MGMT: variants seen among roughly 807,000 people sequenced by gnomAD.
MGMT encodes methylated-DNA--protein-cysteine methyltransferase.
MGMT carries 14 observed loss-of-function variants against 15.9 expected under a neutral mutation model. The observed-to-expected ratio is 0.88, with a 90% CI of 0.58 to 1.37. MGMT has a LOEUF of 1.37. Among genes scored for constraint, MGMT ranks in the 40% most tolerant of loss-of-function variants. The probability of loss-of-function intolerance (pLI) is 0.00; values close to 1 mark genes in which losing one functional copy is unlikely to be tolerated. For synonymous variants in MGMT, 130 were observed against 118.2 expected, an observed-to-expected ratio of 1.10 and a Z score of -0.65; for missense variants, 282 against 268.1, an observed-to-expected ratio of 1.05 and a Z score of -0.36.
intron 4 of MGMT, among the ~76,000 whole-genome samples, chr10:129,762,730 T>C (rs778866562): frequency 6.6e-6 from 1 of 152,182 alleles, no homozygotes; most frequent in Non-Finnish European, 1.5e-5. Context: ...GTTAGTTTAT[T>C]CACGGATTGC....
intron 1 of MGMT, among the ~76,000 whole-genome samples, chr10:129,521,548 CTG>C (rs1191362511): frequency 6.6e-6 from 1 of 152,220 alleles, no homozygotes; most frequent in Non-Finnish European, 1.5e-5. Flanking sequence ...TAGATTCAAA[CTG>C]TATCCAAGAG....
chr10:129,490,884 A>G (rs1385019770), intron 1 of MGMT, among the ~76,000 whole-genome samples: 3 of 152,206 alleles, frequency 2.0e-5, no homozygotes, highest in Non-Finnish European at 1.5e-5. Context: ...AGATTATAAT[A>G]TACACCCTGG....
intron 2 of MGMT, among the ~76,000 whole-genome samples, chr10:129,683,197 G>A (rs527841231): frequency 7.9e-4 from 121 of 152,330 alleles, no homozygotes; most frequent in Admixed American, 1.6e-3. Context: ...AGGGAATGGC[G>A]TTGGCTTTGC....
chr10:129,560,745 T>A lies in MGMT; in HGVS notation c.125+24368T>A, dbSNP rs1160855836. ...CATTCATCAGCTGAACGTCTTTTAT[T>A]GTGGCCTGTAGACAGATTATTTTCA... On this transcript the variant is annotated intron_variant, in intron 2 of 4. Transcript: ENST00000651593. Among the ~76,000 whole-genome samples the A allele has an allele frequency of 3.9e-5, 6 of 152,208 alleles. No individual in the cohort carries two copies. The East Asian group carries it at 1.2e-3, about 29-fold the overall frequency.
chr10:129,627,013 C>G (rs1016018130), intron 2 of MGMT, among the ~76,000 whole-genome samples: 1 of 152,164 alleles, frequency 6.6e-6, no homozygotes, highest in African/African-American at 2.4e-5. Context: ...GAGGCAGCTG[C>G]CACCCGCCGT....
At position 129,759,349 on chromosome 10, in the gene MGMT, C is replaced by T; in HGVS notation, c.414+8C>T. 6.2e-7 allele frequency: 1 copy of T among 1,614,122 alleles called. No individual in the cohort carries two copies. Among genetic ancestry groups the T allele is most frequent in the Non-Finnish European group, 8.5e-7 (1 of 1,179,994 alleles). ...GCAATGAGAGGCAATCCTGTGAGTT[C>T]TCATGGCGCAAGCATGGCTGTGGGT... On this transcript the variant is annotated splice_region_variant and intron_variant, in intron 4 of 4. Transcript: ENST00000651593.
chr10:129,534,336 C>T (rs1845963242), intron 1 of MGMT, among the ~76,000 whole-genome samples: 1 of 152,010 alleles, frequency 6.6e-6, no homozygotes, highest in Admixed American at 6.5e-5. Context: ...GTGATGTGGG[C>T]AGAGCCTCTG....
At chr10:129,625,094 A>G (rs990043813) in intron 2 of MGMT, among the ~76,000 whole-genome samples, 1 of 152,240 alleles carries the variant, frequency 6.6e-6, no homozygotes, top group Admixed American at 6.5e-5. Context: ...GAATCTACAA[A>G]TATTCAAAGA....
rs560836004 is a variant in MGMT, at chr10:129,615,427, G to A, written c.125+79050G>A. 1.7e-4 allele frequency among the ~76,000 whole-genome samples: 26 copies of A among 152,208 alleles called. No individual in the cohort carries two copies. The East Asian group carries it at 5.1e-3, about 30-fold the overall frequency. The stretch of plus-strand genomic sequence containing the variant: ...GTGGTTATTTTACTCAGATCTCTGA[G>A]CCTTAAAGTGGATCTTCTGCAGATC... On this transcript the variant is annotated intron_variant, in intron 2 of 4. Coordinates refer to ENST00000651593, the MANE Select transcript of MGMT (RefSeq NM_002412.5).
At chr10:129,478,565 C>T (rs1564829585) in intron 1 of MGMT, among the ~76,000 whole-genome samples, 1 of 152,010 alleles carries the variant, frequency 6.6e-6, no homozygotes, top group Non-Finnish European at 1.5e-5. Flanking sequence ...TGTAGATCTG[C>T]AAAATATATC....
At chr10:129,648,290 A>G (rs928514110) in intron 2 of MGMT, among the ~76,000 whole-genome samples, 1 of 152,152 alleles carries the variant, frequency 6.6e-6, no homozygotes, top group Non-Finnish European at 1.5e-5. Flanking sequence ...AGGTAGCACA[A>G]TTTTCCCTGT....
intron 1 of MGMT, among the ~76,000 whole-genome samples, chr10:129,476,743 G>A (rs534421103): frequency 6.6e-6 from 1 of 152,260 alleles, no homozygotes; most frequent in African/African-American, 2.4e-5. Flanking sequence ...TGCCCTGTGT[G>A]TCCTGCTACA....
chr10:129,740,842 C>A (rs1410949642), intron 3 of MGMT, among the ~76,000 whole-genome samples: 1 of 152,180 alleles, frequency 6.6e-6, no homozygotes, highest in African/African-American at 2.4e-5. Context: ...GCACACTGAA[C>A]CGAGCCTGGT....
chr10:129,742,674 C>T (rs572552632), intron 3 of MGMT, among the ~76,000 whole-genome samples: 30 of 148,784 alleles, frequency 2.0e-4, no homozygotes, highest in African/African-American at 6.7e-4. Flanking sequence ...ACGGCTGCAG[C>T]GGCCCATGCT....
At chr10:129,759,425 G>A (rs773201124) in intron 4 of MGMT, 84 bp downstream of exon 4, 239 of 1,590,664 alleles carry the variant, frequency 1.5e-4, no homozygotes, top group Non-Finnish European at 1.9e-4. Flanking sequence ...GTGTTTCCTC[G>A]GAAGGCAGGC....
At chr10:129,582,699 C>G (rs965578642) in intron 2 of MGMT, among the ~76,000 whole-genome samples, 1 of 151,470 alleles carries the variant, frequency 6.6e-6, no homozygotes, top group Non-Finnish European at 1.5e-5. Flanking sequence ...GTATCTAAAT[C>G]CCCGGCAGTT....
At chr10:129,760,010 C>T (rs1018167987) in intron 4 of MGMT, among the ~76,000 whole-genome samples, 1 of 152,246 alleles carries the variant, frequency 6.6e-6, no homozygotes, top group Non-Finnish European at 1.5e-5. Flanking sequence ...TCAGATTTCA[C>T]TAAACTCCAG....
chr10:129,496,184 A>G (rs189352420), intron 1 of MGMT, among the ~76,000 whole-genome samples: 19 of 152,320 alleles, frequency 1.2e-4, no homozygotes, highest in Admixed American at 8.5e-4. Context: ...AAACTGTTTT[A>G]TAAATATTTC....
chr10:129,474,414 T>C (rs1276287169), intron 1 of MGMT, among the ~76,000 whole-genome samples: 1 of 151,552 alleles, frequency 6.6e-6, no homozygotes, highest in Non-Finnish European at 1.5e-5. Context: ...AGTCGCAGAG[T>C]GTGGTTGTGA....
Sources: gnomAD v4.1 joint callset for allele counts (sites outside exome capture counted in the v4.1 genomes callset) on GRCh38, gnomAD v4.1.1 for gene constraint, MANE v1.5 for transcripts, NCBI Gene and HGNC (gene_info 2026-07-23, HGNC 2026-07-21) for gene names.